Variants in TUSC3 observed in about 807,000 individuals in gnomAD.
TUSC3 encodes the protein tumor suppressor candidate 3.
TUSC3 carries 45 observed loss-of-function variants against 44.8 expected under a neutral mutation model. The observed-to-expected ratio is 1.00, with a 90% CI of 0.79 to 1.29. TUSC3 has a LOEUF of 1.29. Ranked by LOEUF, TUSC3 falls within the 50% of genes most tolerant of loss-of-function variation. TUSC3 has a pLI of 0.00. For missense variants in TUSC3, 519 were observed against 437.9 expected (o/e 1.19, Z -1.65); for synonymous variants, 212 against 152.9 (o/e 1.39, Z -2.85).
intron 2 of TUSC3, among the ~76,000 whole-genome samples, chr8:15,534,684 A>G (rs925782110): frequency 1.3e-5 from 2 of 152,082 alleles, no homozygotes; most frequent in African/African-American, 4.8e-5. Context: ...TTAAATTTAA[A>G]GGAGTTTAAT....
chr8:15,719,479 T>C (rs1333293915), intron 6 of TUSC3, among the ~76,000 whole-genome samples: 1 of 149,384 alleles, frequency 6.7e-6, no homozygotes, highest in Admixed American at 6.8e-5. Flanking sequence ...ACTTTGCACT[T>C]ATAGTATACA....
chr8:15,616,575 TTAAAA>T (rs141371254), intron 1 of TUSC3, among the ~76,000 whole-genome samples: 5,211 of 152,306 alleles, frequency 0.034, 122 homozygotes, highest in African/African-American at 0.07. Flanking sequence ...AGAGTTCATC[TTAAAA>T]TAAAATTAAT....
chr8:15,846,312 A>G, the TUSC3 span, among the ~76,000 whole-genome samples: 1 of 152,178 alleles, frequency 6.6e-6, no homozygotes, highest in African/African-American at 2.4e-5. Context: ...AGGCTGCCTC[A>G]CTTAAGAATG....
chr8:15,594,262 T>C (rs1415514891), intron 1 of TUSC3, among the ~76,000 whole-genome samples: 1 of 152,236 alleles, frequency 6.6e-6, no homozygotes, highest in East Asian at 1.9e-4. Context: ...AGTTTTCATC[T>C]TTAGAAGTTT....
At chr8:15,722,880 C>T (rs1326859496) in intron 6 of TUSC3, among the ~76,000 whole-genome samples, 1 of 151,918 alleles carries the variant, frequency 6.6e-6, no homozygotes, top group Non-Finnish European at 1.5e-5. Flanking sequence ...AATATATAGC[C>T]TTTCTGAAAG....
the TUSC3 span, among the ~76,000 whole-genome samples, chr8:15,847,372 T>C: frequency 2.6e-5 from 4 of 152,342 alleles, no homozygotes; most frequent in African/African-American, 9.6e-5. Context: ...TAGCCTCTTG[T>C]GATTTTGCAA....
At chr8:15,678,614 G>C (rs1463544461) in intron 6 of TUSC3, among the ~76,000 whole-genome samples, 1 of 152,142 alleles carries the variant, frequency 6.6e-6, no homozygotes, top group Non-Finnish European at 1.5e-5. Flanking sequence ...TATCTCTATA[G>C]GAAATTTTGT....
chr8:15,588,908 G>T (rs750100887), intron 1 of TUSC3, among the ~76,000 whole-genome samples: 9 of 152,052 alleles, frequency 5.9e-5, no homozygotes, highest in Non-Finnish European at 1.0e-4. Context: ...TGTTCCATTG[G>T]CCTTTGTGTC....
intron 2 of TUSC3, among the ~76,000 whole-genome samples, chr8:15,502,247 T>G (rs1328692106): frequency 6.6e-6 from 1 of 152,218 alleles, no homozygotes; most frequent in Non-Finnish European, 1.5e-5. Context: ...TTCACTTGCT[T>G]AGTTTCGTGT....
intron 1 of TUSC3, among the ~76,000 whole-genome samples, chr8:15,598,127 A>AGC (rs1206515932): frequency 2.0e-5 from 3 of 151,984 alleles, no homozygotes; most frequent in Non-Finnish European, 1.5e-5. Context: ...GAGTTTGCAG[A>AGC]GCATAATACC....
At chr8:15,496,452 T>C (rs1800881372) in intron 2 of TUSC3, among the ~76,000 whole-genome samples, 1 of 152,220 alleles carries the variant, frequency 6.6e-6, no homozygotes, top group African/African-American at 2.4e-5. Context: ...TTTTCACTTA[T>C]CCAACCTTAA....
At chr8:15,791,344 T>A in the TUSC3 span, among the ~76,000 whole-genome samples, 2 of 152,192 alleles carry the variant, frequency 1.3e-5, no homozygotes, top group African/African-American at 4.8e-5. Flanking sequence ...GGAATATGAT[T>A]ATCCATAGTG....
intron 1 of TUSC3, among the ~76,000 whole-genome samples, chr8:15,570,083 T>A (rs892397785): frequency 6.6e-6 from 1 of 152,100 alleles, no homozygotes; most frequent in African/African-American, 2.4e-5. Context: ...TATAAAAGAT[T>A]CCCACATTAT....
rs531411989 is a variant in TUSC3, at chr8:15,595,371, C to G, written c.139-27709C>G. Among the ~76,000 whole-genome samples the G allele has an allele frequency of 3.3e-5, 5 of 152,224 alleles. No individual in the cohort carries two copies. The South Asian group carries it at 8.3e-4, about 25-fold the overall frequency. The stretch of plus-strand genomic sequence containing the variant: ...ATTCTAGGTGCCTTGGTTACCTGGA[C>G]TTTCCGCTCTGTTTCCATAGCTCAG... On this transcript the variant is annotated intron_variant, in intron 1 of 10. Coordinates refer to ENST00000503731, the MANE Select transcript of TUSC3 (RefSeq NM_006765.4).
At chr8:15,802,319 G>A in the TUSC3 span, among the ~76,000 whole-genome samples, 1 of 152,148 alleles carries the variant, frequency 6.6e-6, no homozygotes, top group African/African-American at 2.4e-5. Flanking sequence ...CTTAATAAAT[G>A]TTTTGCTTGT....
intron 2 of TUSC3, among the ~76,000 whole-genome samples, chr8:15,531,902 A>AT (rs1279603116): frequency 1.3e-5 from 2 of 152,218 alleles, no homozygotes; most frequent in African/African-American, 4.8e-5. Context: ...GATAGTTACC[A>AT]TCAAAGAAAA....
chr8:15,583,720 A>C (rs1803476261), intron 1 of TUSC3, among the ~76,000 whole-genome samples: 1 of 152,242 alleles, frequency 6.6e-6, no homozygotes, highest in Non-Finnish European at 1.5e-5. Flanking sequence ...TGTACATGCC[A>C]TATTTTGTGG....
intron 2 of TUSC3, among the ~76,000 whole-genome samples, chr8:15,638,548 G>C (rs1376956352): frequency 2.8e-5 from 3 of 105,652 alleles, no homozygotes; most frequent in Non-Finnish European, 5.2e-5. Context: ...TTGGAGACAA[G>C]AGTCTCACTC....
At chr8:15,738,847 T>A (rs1811057259) in intron 7 of TUSC3, among the ~76,000 whole-genome samples, 1 of 140,354 alleles carries the variant, frequency 7.1e-6, no homozygotes, top group African/African-American at 2.7e-5. Flanking sequence ...TTTTTTTTTT[T>A]TTTGAGAGGG....
Sources: gnomAD v4.1 joint callset for allele counts (sites outside exome capture counted in the v4.1 genomes callset) on GRCh38, gnomAD v4.1.1 for gene constraint, MANE v1.5 for transcripts, NCBI Gene and HGNC (gene_info 2026-07-23, HGNC 2026-07-21) for gene names.